The following MYO18A variants were observed in gnomAD, a reference collection of about 807,000 sequenced individuals.
The protein encoded by MYO18A is unconventional myosin-XVIIIa.
MYO18A carries 78 observed loss-of-function variants against 235.8 expected under a neutral mutation model. The ratio of observed to expected loss-of-function variants is 0.33; its 90% confidence interval spans 0.28 to 0.40. The LOEUF (loss-of-function observed/expected upper bound fraction) is 0.40. MYO18A is among the 10% of genes least tolerant of loss of function. The pLI, the probability that MYO18A is intolerant of heterozygous loss-of-function variation, is 1.00. For synonymous variants in MYO18A, 977 were observed against 1,077.8 expected, an observed-to-expected ratio of 0.91 and a Z score of 1.83; for missense variants, 2,215 against 2,699.3, an observed-to-expected ratio of 0.82 and a Z score of 3.98.
Position 29,117,559 on chromosome 17 carries a change from C to A in MYO18A, c.2038+486G>T, listed in dbSNP as rs901050595. Among the ~76,000 whole-genome samples, 1 of 152,148 alleles carries A rather than the reference C, an allele frequency of 6.6e-6. No homozygotes were observed. Among genetic ancestry groups the A allele is most frequent in the Non-Finnish European group, 1.5e-5 (1 of 68,018 alleles). ...CTGCAGGCTCCACTTCCACTCTCAA[C>A]CTCCAGGCTTCTCCCCAGACCAGTC... On this transcript the variant is annotated intron_variant, in intron 10 of 41. Coordinates refer to ENST00000527372, the MANE Select transcript of MYO18A (RefSeq NM_078471.4). This position sits in a 1 kb window ranked among gnomAD's most constrained non-coding sequence, Gnocchi z 4.6.
rs1298945830 is a variant in MYO18A at position 29,121,409 on chromosome 17, T to C, written c.1371+138A>G. 6.4e-6 allele frequency: 7 copies of C among 1,090,564 alleles called. No individual in the cohort carries two copies. Among genetic ancestry groups the C allele is most frequent in the African/African-American group, 1.6e-5 (1 of 62,784 alleles). 67.6% of individuals were successfully genotyped at this position (1,090,564 alleles called of 1,614,324 possible). ...GGTTGTGGGGAGGTCCTGTCCCCCATCTCTTGAAATGACTCCTCTTCCCAA... is the reference window on the plus strand; with the variant it reads ...GGTTGTGGGGAGGTCCTGTCCCCCACCTCTTGAAATGACTCCTCTTCCCAA... On this transcript the variant is annotated intron_variant, in intron 5 of 41. Transcript: ENST00000527372. The surrounding 1 kb of genome is among the most constrained non-coding windows in gnomAD (Gnocchi z 4.2).
chr17:29,135,345 A>AC (rs568277567), intron 2 of MYO18A, among the ~76,000 whole-genome samples: 1 of 151,900 alleles, frequency 6.6e-6, no homozygotes, highest in Admixed American at 6.6e-5. Flanking sequence ...CTCGTGATCC[A>AC]CCCGCCTTGG....
chr17:29,074,718 C>A lies in MYO18A; in HGVS notation c.*52G>T. ...GCCCCACCACTTCCTGGGAGAGGTGCCCAGGCAGCCACAGGCCCTGGGGTG... is the reference window on the plus strand; with the variant it reads ...GCCCCACCACTTCCTGGGAGAGGTGACCAGGCAGCCACAGGCCCTGGGGTG... On this transcript the variant is annotated 3_prime_UTR_variant, in exon 42 of 42. Transcript: ENST00000527372. This position sits in a 1 kb window ranked among gnomAD's most constrained non-coding sequence, Gnocchi z 4.4. 1 of 1,597,740 alleles carries A rather than the reference C, an allele frequency of 6.3e-7. No individual in the cohort carries two copies. Among genetic ancestry groups the A allele is most frequent in the Non-Finnish European group, 8.6e-7 (1 of 1,166,768 alleles).
Position 29,109,281 on chromosome 17 carries a change from C to T in MYO18A, c.3331+577G>A, listed in dbSNP as rs578200112. ...TGTGACCTTGGGCAAGCTACTTAAC[C>T]TCTCTGAGCCTCAGTCTCCTCATCT... On this transcript the variant is annotated intron_variant, in intron 19 of 41. Coordinates refer to ENST00000527372, the MANE Select transcript of MYO18A (RefSeq NM_078471.4). This position sits in a 1 kb window ranked among gnomAD's most constrained non-coding sequence, Gnocchi z 4.1. 1.2e-3 allele frequency among the ~76,000 whole-genome samples: 178 copies of T among 152,296 alleles called. No homozygotes were observed. The highest frequency in any genetic ancestry group is 2.5e-3 in the Admixed American group (39 of 15,302).
chr17:29,081,349 C>G (rs1274844307), intron 41 of MYO18A, among the ~76,000 whole-genome samples: 2 of 152,172 alleles, frequency 1.3e-5, no homozygotes, highest in African/African-American at 4.8e-5. Context: ...TGGTGAACCA[C>G]GGCAGTGGGG....
rs1473561646 is a variant in MYO18A, at chr17:29,114,994, C to T, written c.2424G>A (p.Glu808=). 6.2e-7 allele frequency: 1 copy of T among 1,614,040 alleles called. No individual in the cohort carries two copies. Among genetic ancestry groups the T allele is most frequent in the South Asian group, 1.1e-5 (1 of 91,090 alleles). ...CTTGGGTGTAGTTGTGGCACAGCTC[C>T]TCAAAGGAGGCTCCGCGGGCTGACC... ...QGGSARGASF[E]ELCHNYTQDR... Residue 808 remains glutamate, a synonymous_variant, in exon 14 of 42, where the codon GAG becomes GAA. Coordinates refer to ENST00000527372, the MANE Select transcript of MYO18A (RefSeq NM_078471.4).
At position 29,090,609 on chromosome 17, in the gene MYO18A, G is replaced by A. The variant is rs1020584723; in HGVS notation, c.5311C>T (p.Arg1771Trp). The change falls in exon 36 of 42, where the codon CGG becomes TGG. Residue 1771 changes from arginine to tryptophan, a missense_variant. By Grantham distance (101) the Arg-to-Trp change is moderately radical. Transcript: ENST00000527372. ...KHKAAVAQAS[R>W]DLAQINDLQA... ...AGATCATTTATCTGAGCCAGGTCCCGGGAAGCCTGGGAAAGGAATGAGAGC... is the reference window on the plus strand; with the variant it reads ...AGATCATTTATCTGAGCCAGGTCCCAGGAAGCCTGGGAAAGGAATGAGAGC... 17 of 1,596,734 alleles carry A rather than the reference G, an allele frequency of 1.1e-5. No homozygotes were observed. Among genetic ancestry groups the A allele is most frequent in the Admixed American group, 3.5e-5 (2 of 57,240 alleles).
chr17:29,094,922 G>A lies in MYO18A; in HGVS notation c.4509+14C>T, dbSNP rs1161250124. The A allele has an allele frequency of 6.2e-7, 1 of 1,611,650 alleles. No individual in the cohort carries two copies. The highest frequency in any genetic ancestry group is 2.2e-5 in the East Asian group (1 of 44,842). The stretch of plus-strand genomic sequence containing the variant: ...GAGGGGGACAGGGCACAGATGGTGG[G>A]TGGCCCTACCCACCTCTAGTTGCTG... On this transcript the variant is annotated intron_variant, in intron 29 of 41. Coordinates refer to ENST00000527372, the MANE Select transcript of MYO18A (RefSeq NM_078471.4).
Position 29,110,451 on chromosome 17 carries a change from C to G in MYO18A, c.3072G>C (p.Gln1024His). 1 of 1,590,860 alleles carries G rather than the reference C, an allele frequency of 6.3e-7. No homozygotes were observed. Among genetic ancestry groups the G allele is most frequent in the Non-Finnish European group, 8.6e-7 (1 of 1,169,160 alleles). ...TGGCACTCACCACCTGTAGCTTCAT[C>G]TGGATGCACAGTGACTTCTTTTTGA... ...AAVKKKSLCI[Q>H]MKLQVDALID... is the part of the protein sequence containing the mutation. Residue 1024 changes from glutamine (Q) to histidine (H), a missense_variant, in exon 18 of 42, where the codon CAG becomes CAC. Gln to His is a conservative substitution (Grantham distance 24, BLOSUM62 0). Coordinates refer to ENST00000527372, the MANE Select transcript of MYO18A (RefSeq NM_078471.4).
At chr17:29,152,935 G>A (rs997092626) in intron 2 of MYO18A, among the ~76,000 whole-genome samples, 1 of 152,018 alleles carries the variant, frequency 6.6e-6, no homozygotes, top group African/African-American at 2.4e-5. Flanking sequence ...GGCTGGTCTT[G>A]AACTCCTAGC....
intron 1 of MYO18A, among the ~76,000 whole-genome samples, chr17:29,179,980 C>G (rs2068612679): frequency 6.6e-6 from 1 of 151,938 alleles, no homozygotes; most frequent in South Asian, 2.1e-4. Flanking sequence ...CCCGCAGCTC[C>G]GGGCCACCTG....
chr17:29,103,518 A>C (rs2066707025), intron 21 of MYO18A, 81 bp downstream of exon 21: 2 of 1,384,888 alleles, frequency 1.4e-6, no homozygotes, highest in Middle Eastern at 2.1e-4. Flanking sequence ...TGGCTGAGCA[A>C]AGAGAACAGG....
intron 34 of MYO18A, 47 bp downstream of exon 34, chr17:29,092,296 T>A (rs1054334577): frequency 2.1e-6 from 3 of 1,428,146 alleles, no homozygotes; most frequent in East Asian, 2.3e-5. Flanking sequence ...GCAGCTCTAT[T>A]CTGCCTCAGC....
chr17:29,152,798 T>A (rs1449032248), intron 2 of MYO18A, among the ~76,000 whole-genome samples: 1 of 152,152 alleles, frequency 6.6e-6, no homozygotes, highest in Non-Finnish European at 1.5e-5. Context: ...CATGGCTCAC[T>A]GCAGCCTCAA....
chr17:29,161,038 T>C (rs956315781), intron 2 of MYO18A, among the ~76,000 whole-genome samples: 2 of 151,946 alleles, frequency 1.3e-5, no homozygotes, highest in African/African-American at 4.8e-5. Context: ...GGCAACATGG[T>C]GAAACCCTGT....
At position 29,106,587 on chromosome 17, in the gene MYO18A, G is replaced by A. The variant is rs1404379651; in HGVS notation, c.3441+493C>T. Among the ~76,000 whole-genome samples the A allele has an allele frequency of 6.6e-6, 1 of 152,184 alleles. No homozygotes were observed. The highest frequency in any genetic ancestry group is 2.4e-5 in the African/African-American group (1 of 41,440). On this transcript the variant is annotated intron_variant, in intron 20 of 41. Transcript: ENST00000527372. The surrounding 1 kb of genome is among the most constrained non-coding windows in gnomAD (Gnocchi z 4.6). ...GGGCTCAAGGTGATAGCCCAGACGG[G>A]CAGGGACACCCCTTCCGCAGCCACA...
chr17:29,109,883 G>A lies in MYO18A; in HGVS notation c.3306C>T (p.Leu1102=), dbSNP rs781290817. 2.6e-5 allele frequency: 41 copies of A among 1,566,084 alleles called. No individual in the cohort carries two copies. In the Admixed American group the frequency reaches 3.6e-4, roughly 14 times the overall value. Residue 1102 remains leucine, a synonymous_variant, in exon 19 of 42, where the codon CTC becomes CTT. Coordinates refer to ENST00000527372, the MANE Select transcript of MYO18A (RefSeq NM_078471.4). This position sits in a 1 kb window ranked among gnomAD's most constrained non-coding sequence, Gnocchi z 4.1. ...CTTGGCGGTACATGCGCATGGCATC[G>A]AGCAGGCGGGAGCCGCGGAGCTGGG... ...LRTQLRGSRL[L]DAMRMYRQGY... is the part of the protein sequence containing the mutation.
Position 29,099,734 on chromosome 17 carries a change from C to T in MYO18A, c.3536G>A (p.Arg1179Gln), listed in dbSNP as rs199953389. Residue 1179 changes from arginine (R) to glutamine (Q), a missense_variant, in exon 22 of 42, where the codon CGG (arginine) becomes CAG (glutamine). Transcript: ENST00000527372. ...RVFFRAGTLA[R>Q]LEEQRDEQTS... is the part of the protein sequence containing the mutation. Reference sequence around the variant, plus strand: ...TTGTTCATCCCGCTGCTCCTCCAGCCGTGCCAAGGTGCCCGCCCGGAAGAA... The same window carrying T: ...TTGTTCATCCCGCTGCTCCTCCAGCTGTGCCAAGGTGCCCGCCCGGAAGAA... 1.2e-5 allele frequency: 20 copies of T among 1,613,330 alleles called. No individual in the cohort carries two copies. Among genetic ancestry groups the T allele is most frequent in the South Asian group, 6.6e-5 (6 of 91,030 alleles).
chr17:29,104,399 A>C (rs753027323), intron 20 of MYO18A, among the ~76,000 whole-genome samples: 1 of 152,152 alleles, frequency 6.6e-6, no homozygotes, highest in Non-Finnish European at 1.5e-5. Flanking sequence ...GGCTATACTG[A>C]GATTTCCAAT....
Sources: allele counts gnomAD v4.1 joint callset (sites outside exome capture counted in the v4.1 genomes callset), GRCh38; gene constraint gnomAD v4.1.1; non-coding constraint Gnocchi (gnomAD v3.1); transcripts MANE v1.5; gene names NCBI Gene and HGNC (gene_info 2026-07-23, HGNC 2026-07-21).